SEC31B: variants seen among roughly 807,000 people sequenced by gnomAD.
The protein encoded by SEC31B is SEC31 homolog B, COPII component.
SEC31B carries 113 observed loss-of-function variants against 135.0 expected under a neutral mutation model. The observed-to-expected ratio is 0.84, with a 90% CI of 0.72 to 0.98. SEC31B has a LOEUF of 0.98. SEC31B is among the 50% of genes least tolerant of loss of function. The pLI is 0.00. For missense variants in SEC31B, 1,296 were observed against 1,421.1 expected (o/e 0.91, Z 1.42); for synonymous variants, 508 against 549.4 (o/e 0.92, Z 1.05).
At position 100,509,420 on chromosome 10, in the gene SEC31B, G is replaced by C; in HGVS notation, c.295C>G (p.Leu99Val). ...GACAGGATGTGGGTCACATTGTATA[G>C]AATAAGCATGCCATTGTCCCCGCCG... ...VGGGDNGMLI[L>V]YNVTHILSSG... The change falls in exon 4 of 26, where the codon CTA (leucine) becomes GTA (valine). Residue 99 changes from leucine (L) to valine (V), a missense_variant. Coordinates refer to ENST00000370345, the MANE Select transcript of SEC31B (RefSeq NM_015490.4). 1 of 1,614,120 alleles carries C rather than the reference G, an allele frequency of 6.2e-7. No individual in the cohort carries two copies.
chr10:100,494,561 G>C (rs1851366954), intron 19 of SEC31B, among the ~76,000 whole-genome samples: 1 of 152,166 alleles, frequency 6.6e-6, no homozygotes, highest in South Asian at 2.1e-4. Flanking sequence ...TTAAATAATA[G>C]TAATTCTCAA....
intron 13 of SEC31B, 39 bp from the exon 14 acceptor site, chr10:100,498,843 A>G (rs1851463868): frequency 6.8e-7 from 1 of 1,465,352 alleles, no homozygotes; most frequent in South Asian, 1.1e-5. Flanking sequence ...TTAGGGATGA[A>G]CCCAAGACAG....
chr10:100,506,445 T>G, intron 7 of SEC31B, 25 bp from the exon 8 acceptor site: 2 of 1,607,806 alleles, frequency 1.2e-6, no homozygotes, highest in Non-Finnish European at 1.7e-6. Flanking sequence ...GAAGAGGAAC[T>G]AGCATTTGTT....
chr10:100,505,299 A>AACACAC (rs58897924), intron 10 of SEC31B, 62 bp downstream of exon 10: 390 of 1,488,298 alleles, frequency 2.6e-4, no homozygotes, highest in Middle Eastern at 1.8e-4. Context: ...AGGCTTCACA[A>AACACAC]ACACACACAC....
At chr10:100,499,285 CTCTT>C (rs1209465828) in intron 12 of SEC31B, 27 bp from the exon 13 acceptor site, 1 of 1,548,690 alleles carries the variant, frequency 6.5e-7, no homozygotes, top group Non-Finnish European at 8.9e-7. Context: ...CTGAAAACCG[CTCTT>C]TCAAGCGTAA....
At chr10:100,513,847 C>T (rs2133697974) in intron 3 of SEC31B, among the ~76,000 whole-genome samples, 1 of 152,138 alleles carries the variant, frequency 6.6e-6, no homozygotes, top group South Asian at 2.1e-4. Context: ...AAATATAATG[C>T]CAGGCACTGC....
At chr10:100,495,584 TA>T in intron 18 of SEC31B, 38 bp from the exon 19 acceptor site, 1 of 1,591,642 alleles carries the variant, frequency 6.3e-7, no homozygotes, top group Non-Finnish European at 8.6e-7. Context: ...GTCAAGAAAT[TA>T]AAACAATCAA....
chr10:100,496,776 A>G (rs1046847110), intron 17 of SEC31B, among the ~76,000 whole-genome samples: 3 of 152,348 alleles, frequency 2.0e-5, no homozygotes, highest in Non-Finnish European at 2.9e-5. Context: ...TCTCTCCATG[A>G]GTCTGTGACC....
rs942383101 is a variant in SEC31B, at chr10:100,502,192, A to C, written c.1410+62T>G. The C allele has an allele frequency of 1.3e-5, 17 of 1,290,640 alleles. No homozygotes were observed. In the Admixed American group the frequency reaches 3.1e-4, roughly 23 times the overall value. 79.9% of individuals were successfully genotyped at this position (1,290,640 alleles called of 1,614,324 possible). On this transcript the variant is annotated intron_variant, in intron 11 of 25. Coordinates refer to ENST00000370345, the MANE Select transcript of SEC31B (RefSeq NM_015490.4). ...TGCTTGTGCTTCTCCTGCAGTTGAC[A>C]GAGGTTGGAGTTCCAGGCTTTGGGG...
At position 100,489,718 on chromosome 10, in the gene SEC31B, G is replaced by T. The variant is rs764443825; in HGVS notation, c.3009C>A (p.Asn1003Lys). 26 of 1,614,070 alleles carry T rather than the reference G, an allele frequency of 1.6e-5. No individual in the cohort carries two copies. Among genetic ancestry groups the T allele is most frequent in the Non-Finnish European group, 2.1e-5 (25 of 1,180,040 alleles). Reference sequence around the variant, plus strand: ...ATGCATTGACCTTGTTCCTCTGGAGGTTTCCCCTGGGGGCTGGGGCTTCTT... The same window carrying T: ...ATGCATTGACCTTGTTCCTCTGGAGTTTTCCCCTGGGGGCTGGGGCTTCTT... Reference protein sequence around the residue: ...SWKEAPAPRGNLQRNKLPETF... With the variant: ...SWKEAPAPRGKLQRNKLPETF... The change falls in exon 22 of 26, where the codon AAC becomes AAA. Residue 1003 changes from asparagine (N) to lysine (K), a missense_variant. Coordinates refer to ENST00000370345, the MANE Select transcript of SEC31B (RefSeq NM_015490.4).
chr10:100,495,357 A>C (rs1032740011), intron 19 of SEC31B, 28 bp downstream of exon 19: 2 of 1,601,582 alleles, frequency 1.2e-6, no homozygotes. Context: ...TATTGAATGA[A>C]CAAATGAATG....
intron 7 of SEC31B, among the ~76,000 whole-genome samples, chr10:100,506,664 C>T (rs1190785782): frequency 2.6e-5 from 4 of 152,232 alleles, no homozygotes. Flanking sequence ...ATGTACCACT[C>T]TGCCTCTCTT....
chr10:100,493,855 G>A (rs1034817565), intron 19 of SEC31B, among the ~76,000 whole-genome samples: 9 of 152,148 alleles, frequency 5.9e-5, no homozygotes, highest in African/African-American at 2.2e-4. Context: ...TGCCGACACG[G>A]GGCGGGGTGT....
intron 24 of SEC31B, among the ~76,000 whole-genome samples, chr10:100,488,422 G>A (rs192781368): frequency 1.0e-3 from 142 of 142,112 alleles, no homozygotes; most frequent in East Asian, 5.6e-3. Flanking sequence ...TCGCGCCACT[G>A]CACTCCAGCC....
chr10:100,498,758 A>G lies in SEC31B; in HGVS notation c.1631T>C (p.Phe544Ser). The change falls in exon 14 of 26, where the codon TTT (phenylalanine) becomes TCT (serine). Residue 544 changes from phenylalanine (F) to serine (S), a missense_variant. Physicochemically the swap from Phe to Ser is radical, Grantham distance 155 (BLOSUM62 -2). Transcript: ENST00000370345. ...CATGTTCTGAGGGACCAGCTCATCA[A>G]AGAAGGCTGAGGAAGCAGAGGCTTC... ...TKEASASSAF[F>S]DELVPQNMTP... The G allele has an allele frequency of 6.2e-7, 1 of 1,613,900 alleles. No individual in the cohort carries two copies. Among genetic ancestry groups the G allele is most frequent in the Non-Finnish European group, 8.5e-7 (1 of 1,179,904 alleles).
chr10:100,507,467 CG>C lies in SEC31B; in HGVS notation c.739del (p.Arg247AlafsTer7). On this transcript the variant is annotated frameshift_variant, in exon 7 of 26. Transcript: ENST00000370345. LOFTEE classifies it high-confidence loss of function. ...CACCTTCAAGGGCGAGGAGGCAAAGCGCAAGTCCCACAGCTGAATCACGGGA... is the reference window on the plus strand; with the variant it reads ...CACCTTCAAGGGCGAGGAGGCAAAGCCAAGTCCCACAGCTGAATCACGGGA... ...RLPVIQLWDLRFASSPLKVLE... is the reference protein window; with the variant it reads ...RLPVIQLWDLXFASSPLKVLE... The C allele has an allele frequency of 6.2e-7, 1 of 1,614,224 alleles. No individual in the cohort carries two copies. Among genetic ancestry groups the C allele is most frequent in the Non-Finnish European group, 8.5e-7 (1 of 1,180,030 alleles).
intron 5 of SEC31B, chr10:100,508,685 C>T: frequency 2.3e-6 from 1 of 426,274 alleles, no homozygotes; most frequent in Middle Eastern, 5.5e-4. Context: ...CAATGCCCTA[C>T]CCAACCCTGC....
intron 24 of SEC31B, 100 bp downstream of exon 24, chr10:100,488,758 C>T (rs1479898173): frequency 1.4e-6 from 2 of 1,404,742 alleles, no homozygotes; most frequent in Non-Finnish European, 1.9e-6. Context: ...TGTCCAGGGG[C>T]AGTGAGAAGA....
intron 17 of SEC31B, among the ~76,000 whole-genome samples, chr10:100,496,817 TG>T (rs890914873): frequency 1.3e-4 from 20 of 152,208 alleles, no homozygotes; most frequent in African/African-American, 4.3e-4. Flanking sequence ...ACAGAACACC[TG>T]GAAGTTTAGA....
Sources: gnomAD v4.1 joint callset for allele counts (sites outside exome capture counted in the v4.1 genomes callset) on GRCh38, gnomAD v4.1.1 for gene constraint, MANE v1.5 for transcripts, NCBI Gene and HGNC (gene_info 2026-07-23, HGNC 2026-07-21) for gene names.